Variants in SEMA3E observed in about 807,000 individuals in gnomAD.
The protein encoded by SEMA3E is semaphorin-3E.
A neutral mutation model predicts 93.6 loss-of-function variants in SEMA3E; 49 were observed. That is an observed-to-expected ratio of 0.52 (90% CI 0.42 to 0.66). SEMA3E has a LOEUF of 0.66. SEMA3E is among the 30% of genes least tolerant of loss of function. The pLI is 0.00. For missense variants in SEMA3E, 906 were observed against 964.8 expected, an observed-to-expected ratio of 0.94 and a Z score of 0.81; for synonymous variants, 363 against 330.7, an observed-to-expected ratio of 1.10 and a Z score of -1.06.
chr7:83,550,734 TGATAA>T (rs1276486134), intron 1 of SEMA3E, among the ~76,000 whole-genome samples: 1 of 152,148 alleles, frequency 6.6e-6, no homozygotes, highest in Non-Finnish European at 1.5e-5. Context: ...CAAGAAGTTC[TGATAA>T]GATGACCAAG....
At chr7:83,443,722 T>C (rs1789165965) in intron 4 of SEMA3E, among the ~76,000 whole-genome samples, 1 of 151,878 alleles carries the variant, frequency 6.6e-6, no homozygotes. Flanking sequence ...TTTTAAAAAT[T>C]CAAAAAAAAT....
At chr7:83,498,474 A>G (rs978695522) in intron 1 of SEMA3E, among the ~76,000 whole-genome samples, 2 of 150,714 alleles carry the variant, frequency 1.3e-5, no homozygotes, top group African/African-American at 4.9e-5. Flanking sequence ...TAATAAAATC[A>G]GGCACATTCA....
rs369345984 is a variant in SEMA3E, at chr7:83,505,248, A to G, written c.116-14974T>C. Among the ~76,000 whole-genome samples, 135 of 152,260 alleles carry G rather than the reference A, an allele frequency of 8.9e-4. 2 individuals carry two copies. Among genetic ancestry groups the G allele is most frequent in the African/African-American group, 2.6e-3 (106 of 41,568 alleles). ...TTCAGCCTCAATCATCCAAAATTCTATCTCATTGCAGCTTATGTTACAAAC... is the reference window on the plus strand; with the variant it reads ...TTCAGCCTCAATCATCCAAAATTCTGTCTCATTGCAGCTTATGTTACAAAC... On this transcript the variant is annotated intron_variant, in intron 1 of 16. Transcript: ENST00000643230.
At chr7:83,626,936 T>C (rs542347495) in intron 1 of SEMA3E, among the ~76,000 whole-genome samples, 12 of 152,334 alleles carry the variant, frequency 7.9e-5, no homozygotes, top group Non-Finnish European at 1.6e-4. Context: ...AAAGAACTTA[T>C]TTATTTCTGC....
In SEMA3E at chr7:83,490,184, C is replaced by A; in HGVS notation, c.206G>T (p.Arg69Met). Residue 69 changes from arginine to methionine, a missense_variant, in exon 2 of 17, where the codon AGG becomes ATG. Coordinates refer to ENST00000643230, the MANE Select transcript of SEMA3E (RefSeq NM_012431.3). ...HTMLLDEYQERLFVGGRDLVY... is the reference protein window; with the variant it reads ...HTMLLDEYQEMLFVGGRDLVY... ...AAGGTCCCTGCCTCCCACGAAGAGCCTCTCTTGATATTCATCCAGCAGCAT... is the reference window on the plus strand; with the variant it reads ...AAGGTCCCTGCCTCCCACGAAGAGCATCTCTTGATATTCATCCAGCAGCAT... The A allele has an allele frequency of 6.2e-7, 1 of 1,613,058 alleles. No individual in the cohort carries two copies.
Position 83,532,874 on chromosome 7 carries a change from C to T in SEMA3E, c.116-42600G>A, listed in dbSNP as rs1168452769. ...GTGTGTGTTTGTTAATTAATTAACA[C>T]GTGATGTGATCTGTAATGTAAGAAA... On this transcript the variant is annotated intron_variant, in intron 1 of 16. Coordinates refer to ENST00000643230, the MANE Select transcript of SEMA3E (RefSeq NM_012431.3). Among the ~76,000 whole-genome samples the T allele has an allele frequency of 2.0e-5, 3 of 151,824 alleles. 1 individual carries two copies. Among genetic ancestry groups the T allele is most frequent in the Admixed American group, 1.3e-4 (2 of 15,222 alleles).
At chr7:83,390,057 G>A (rs1342991915) in intron 14 of SEMA3E, among the ~76,000 whole-genome samples, 49 of 41,890 alleles carry the variant, frequency 1.2e-3, no homozygotes, top group East Asian at 1.8e-3. Flanking sequence ...GCGTATACGT[G>A]TGCACATATA....
rs147100253 is a variant in SEMA3E at position 83,393,541 on chromosome 7, C to T, written c.1500+756G>A. Among the ~76,000 whole-genome samples the T allele has an allele frequency of 3.9e-5, 6 of 152,080 alleles. No homozygotes were observed. In the East Asian group the frequency reaches 1.2e-3, roughly 29 times the overall value. The stretch of plus-strand genomic sequence containing the variant: ...GAGACTTTATCTCAAAAACAGAAAA[C>T]AAATCTATAGCAAAAACTAATAAGA... On this transcript the variant is annotated intron_variant, in intron 13 of 16. Coordinates refer to ENST00000643230, the MANE Select transcript of SEMA3E (RefSeq NM_012431.3).
intron 1 of SEMA3E, among the ~76,000 whole-genome samples, chr7:83,541,223 T>C (rs1348036917): frequency 1.3e-5 from 2 of 152,172 alleles, no homozygotes; most frequent in Non-Finnish European, 2.9e-5. Flanking sequence ...AGGGACTGGG[T>C]AGGTAGGACT....
chr7:83,487,338 T>C (rs1410554111), intron 2 of SEMA3E, among the ~76,000 whole-genome samples: 2 of 152,040 alleles, frequency 1.3e-5, no homozygotes, highest in African/African-American at 2.4e-5. Flanking sequence ...TCCATAAGAG[T>C]CACATAATAT....
chr7:83,515,180 C>T (rs540292644), intron 1 of SEMA3E, among the ~76,000 whole-genome samples: 3 of 152,176 alleles, frequency 2.0e-5, no homozygotes, highest in East Asian at 3.9e-4. Flanking sequence ...CTCCTCTCCT[C>T]CTTTTCCTTC....
At chr7:83,384,814 T>C (rs1232743850) in intron 16 of SEMA3E, among the ~76,000 whole-genome samples, 11 of 152,076 alleles carry the variant, frequency 7.2e-5, no homozygotes, top group Middle Eastern at 3.2e-3. Flanking sequence ...GTCTCATATA[T>C]AATTGAAAAA....
Position 83,557,444 on chromosome 7 carries a change from G to C in SEMA3E, c.116-67170C>G, listed in dbSNP as rs546040530. 1.5e-4 allele frequency among the ~76,000 whole-genome samples: 23 copies of C among 151,730 alleles called. No homozygotes were observed. The South Asian group carries it at 4.8e-3, about 32-fold the overall frequency. ...TATTTTAATCAATGCTCTTATTATG[G>C]TAAAACAACTAAAATTAATTTATAA... On this transcript the variant is annotated intron_variant, in intron 1 of 16. Coordinates refer to ENST00000643230, the MANE Select transcript of SEMA3E (RefSeq NM_012431.3).
chr7:83,458,973 G>GTATA (rs71074661), intron 4 of SEMA3E, among the ~76,000 whole-genome samples: 65,608 of 140,314 alleles, frequency 0.47, 17,309 homozygotes, highest in East Asian at 0.77. Context: ...GTGTGTGTGT[G>GTATA]TATATATATA....
At chr7:83,490,511 A>AG (rs568390241) in intron 1 of SEMA3E, among the ~76,000 whole-genome samples, 120 of 152,202 alleles carry the variant, frequency 7.9e-4, no homozygotes, top group African/African-American at 2.8e-3. Flanking sequence ...TTTTAAACAC[A>AG]GAAAAATAGT....
In SEMA3E at chr7:83,622,067, G is replaced by A. The variant is rs543996430; in HGVS notation, c.115+26361C>T. On this transcript the variant is annotated intron_variant, in intron 1 of 16. Coordinates refer to ENST00000643230, the MANE Select transcript of SEMA3E (RefSeq NM_012431.3). The stretch of plus-strand genomic sequence containing the variant: ...GAGTGAACAGACAACATACAGAATG[G>A]GAGAAAATTTTTACAATCTAGCCAT... Among the ~76,000 whole-genome samples the A allele has an allele frequency of 3.8e-4, 58 of 152,118 alleles. 1 individual carries two copies. The highest frequency in any genetic ancestry group is 3.5e-3 in the South Asian group (17 of 4,820).
intron 1 of SEMA3E, among the ~76,000 whole-genome samples, chr7:83,582,268 T>A (rs1792532104): frequency 6.6e-6 from 1 of 150,740 alleles, no homozygotes; most frequent in South Asian, 2.1e-4. Flanking sequence ...AATAAACTAA[T>A]AAAAGCTTCA....
At chr7:83,562,119 T>C (rs916902559) in intron 1 of SEMA3E, among the ~76,000 whole-genome samples, 4 of 152,168 alleles carry the variant, frequency 2.6e-5, no homozygotes, top group African/African-American at 9.6e-5. Context: ...TGAAAACCTT[T>C]CAAAGGAAAC....
At chr7:83,461,412 T>C (rs1789613846) in intron 4 of SEMA3E, among the ~76,000 whole-genome samples, 1 of 152,122 alleles carries the variant, frequency 6.6e-6, no homozygotes, top group African/African-American at 2.4e-5. Context: ...CTATAATCTT[T>C]TTGTCACCTC....
Sources: allele counts gnomAD v4.1 joint callset (sites outside exome capture counted in the v4.1 genomes callset), GRCh38; gene constraint gnomAD v4.1.1; transcripts MANE v1.5; gene names NCBI Gene and HGNC (gene_info 2026-07-23, HGNC 2026-07-21).